Variants in CHST3 observed in about 807,000 individuals in gnomAD.
The protein encoded by CHST3 is C6ST-1.
A neutral mutation model predicts 35.4 loss-of-function variants in CHST3; 20 were observed. The observed-to-expected ratio is 0.57, with a 90% CI of 0.40 to 0.82. The LOEUF (loss-of-function observed/expected upper bound fraction) is 0.82, where lower values mean the gene tolerates loss of function less well. Among genes scored for constraint, CHST3 ranks in the 40% least tolerant of loss-of-function variants. The pLI, the probability that CHST3 is intolerant of heterozygous loss-of-function variation, is 0.00. For synonymous variants in CHST3, 334 were observed against 295.9 expected (o/e 1.13, Z -1.32); for missense variants, 693 against 670.1 (o/e 1.03, Z -0.38).
intron 1 of CHST3, among the ~76,000 whole-genome samples, chr10:71,999,687 GGCC>G (rs1839974120): frequency 6.6e-6 from 1 of 152,240 alleles, no homozygotes; most frequent in Non-Finnish European, 1.5e-5. Flanking sequence ...GGCCGGAACA[GGCC>G]GCAGTCCATT....
intron 1 of CHST3, among the ~76,000 whole-genome samples, 179 bp downstream of exon 1, chr10:71,964,873 C>T (rs1839613782): frequency 2.0e-5 from 3 of 152,234 alleles, no homozygotes; most frequent in Admixed American, 1.3e-4. Flanking sequence ...GCACCCACAA[C>T]CCGCTGCAAC....
chr10:72,013,276 G>T lies in CHST3; in HGVS notation c.*4805G>T, dbSNP rs1840131340. The T allele has an allele frequency of 6.6e-6, 1 of 152,278 alleles. No individual in the cohort carries two copies. 9.4% of individuals were successfully genotyped at this position (152,278 alleles called of 1,614,324 possible). On this transcript the variant is annotated 3_prime_UTR_variant, in exon 3 of 3. Transcript: ENST00000373115. ...TTCACGGCATACACTGCCATGGTAT[G>T]TACATATGCATCCACGTGTGTGTAT...
chr10:72,011,397 G>A lies in CHST3; in HGVS notation c.*2926G>A, dbSNP rs893918063. The A allele has an allele frequency of 1.3e-5, 2 of 152,356 alleles. No homozygotes were observed. The highest frequency in any genetic ancestry group is 4.8e-5 in the African/African-American group (2 of 41,450). 9.4% of individuals were successfully genotyped at this position (152,356 alleles called of 1,614,324 possible). A position where few individuals can be genotyped will look rare whatever the true frequency, so the allele number is the denominator to read the frequency against. ...CTGGGAACCCTTGGGGTTTGGGGAA[G>A]GACAGTGTGGTGTGACTATTGGCTT... On this transcript the variant is annotated 3_prime_UTR_variant, in exon 3 of 3. Transcript: ENST00000373115.
chr10:72,004,454 C>G (rs927190239), intron 1 of CHST3, among the ~76,000 whole-genome samples: 2 of 152,144 alleles, frequency 1.3e-5, no homozygotes, highest in Non-Finnish European at 2.9e-5. Flanking sequence ...AAAGTGGAGA[C>G]CTGAAGGCTG....
At chr10:72,001,761 G>T (rs879268031) in intron 1 of CHST3, among the ~76,000 whole-genome samples, 3 of 152,150 alleles carry the variant, frequency 2.0e-5, no homozygotes, top group African/African-American at 7.2e-5. Context: ...GTGAACCATC[G>T]TGCCTGGCCG....
intron 1 of CHST3, among the ~76,000 whole-genome samples, chr10:72,002,118 T>C (rs1839998298): frequency 6.6e-6 from 1 of 152,146 alleles, no homozygotes; most frequent in Admixed American, 6.5e-5. Context: ...ACCTGCCTGC[T>C]AGGTTTCCAA....
rs1840065803 is a variant in CHST3, at chr10:72,008,128, A to G, written c.1097A>G (p.Tyr366Cys). The change falls in exon 3 of 3, where the codon TAC becomes TGC. Residue 366 changes from tyrosine to cysteine, a missense_variant. By Grantham distance (194) the Tyr-to-Cys change is radical (BLOSUM62 -2). Coordinates refer to ENST00000373115, the MANE Select transcript of CHST3 (RefSeq NM_004273.5). ...LRQPAWLRGRYMLVRYEDVAR... is the reference protein window; with the variant it reads ...LRQPAWLRGRCMLVRYEDVAR... ...CAGCCCGCCTGGCTGCGGGGCCGCT[A>G]CATGCTGGTGCGCTACGAGGACGTG... 4 of 1,548,000 alleles carry G rather than the reference A, an allele frequency of 2.6e-6. No homozygotes were observed. Among genetic ancestry groups the G allele is most frequent in the East Asian group, 2.4e-5 (1 of 40,866 alleles).
At chr10:71,969,406 A>T (rs762451174) in intron 1 of CHST3, among the ~76,000 whole-genome samples, 1 of 152,198 alleles carries the variant, frequency 6.6e-6, no homozygotes. Flanking sequence ...GAGAGTGGTT[A>T]TCCCTGCTGG....
chr10:71,977,812 G>A (rs1839761173), intron 1 of CHST3, among the ~76,000 whole-genome samples: 1 of 152,100 alleles, frequency 6.6e-6, no homozygotes. Context: ...TGGGATTACA[G>A]GTGTGCACCA....
intron 1 of CHST3, among the ~76,000 whole-genome samples, chr10:71,970,967 G>T (rs1290842081): frequency 6.6e-6 from 1 of 152,184 alleles, no homozygotes; most frequent in African/African-American, 2.4e-5. Flanking sequence ...GTGGTGTAAG[G>T]TCACACCAAT....
At chr10:71,968,404 A>T (rs1328229658) in intron 1 of CHST3, among the ~76,000 whole-genome samples, 4 of 152,130 alleles carry the variant, frequency 2.6e-5, no homozygotes, top group Admixed American at 6.5e-5. Flanking sequence ...TCGGATGCAT[A>T]GTTTGCAAAT....
At chr10:71,981,942 C>A (rs1839805083) in intron 1 of CHST3, among the ~76,000 whole-genome samples, 1 of 152,216 alleles carries the variant, frequency 6.6e-6, no homozygotes, top group African/African-American at 2.4e-5. Flanking sequence ...GATTCTCATG[C>A]CCAGCAGGGA....
chr10:71,973,775 C>G (rs1839718822), intron 1 of CHST3, among the ~76,000 whole-genome samples: 1 of 152,192 alleles, frequency 6.6e-6, no homozygotes, highest in Admixed American at 6.5e-5. Context: ...CTTGGGGAAG[C>G]CTTCCTAGAG....
chr10:71,991,965 T>G lies in CHST3; in HGVS notation c.-107-13771T>G, dbSNP rs187172046. Among the ~76,000 whole-genome samples, 439 of 152,066 alleles carry G rather than the reference T, an allele frequency of 2.9e-3. 2 individuals carry two copies. The highest frequency in any genetic ancestry group is 4.9e-3 in the Non-Finnish European group (330 of 67,996). The stretch of plus-strand genomic sequence containing the variant: ...AAAAAAAGTTACTTTTATACTATAC[T>G]GTAGTCTATTAAGTGTACAGTAGTA... On this transcript the variant is annotated intron_variant, in intron 1 of 2. Coordinates refer to ENST00000373115, the MANE Select transcript of CHST3 (RefSeq NM_004273.5).
In CHST3 at chr10:72,008,425, G is replaced by A. The variant is rs569940449; in HGVS notation, c.1394G>A (p.Arg465His). Residue 465 changes from arginine (R) to histidine (H), a missense_variant, in exon 3 of 3, where the codon CGC (arginine) becomes CAC (histidine). Physicochemically the swap from Arg to His is conservative, Grantham distance 29. Coordinates refer to ENST00000373115, the MANE Select transcript of CHST3 (RefSeq NM_004273.5). ...CGGGACGCCGCCGCCCTCACCAACC[G>A]CTCAGTCAGCCTGCTGGAGGAGAGG... ...LARDAAALTNRSVSLLEERGT... is the reference protein window; with the variant it reads ...LARDAAALTNHSVSLLEERGT... 7.6e-6 allele frequency: 12 copies of A among 1,572,304 alleles called. No individual in the cohort carries two copies. The highest frequency in any genetic ancestry group is 6.7e-5 in the African/African-American group (5 of 74,364).
intron 1 of CHST3, among the ~76,000 whole-genome samples, chr10:71,969,930 G>A (rs1416532868): frequency 1.3e-5 from 2 of 152,230 alleles, no homozygotes; most frequent in Non-Finnish European, 2.9e-5. Flanking sequence ...CAGGAGAGGA[G>A]ACACTTCTCC....
intron 1 of CHST3, among the ~76,000 whole-genome samples, chr10:71,969,914 A>G (rs949052975): frequency 3.9e-5 from 6 of 152,212 alleles, no homozygotes; most frequent in Non-Finnish European, 8.8e-5. Context: ...TCGTGAGGTT[A>G]TGCCTCAGGA....
intron 1 of CHST3, among the ~76,000 whole-genome samples, chr10:71,967,643 A>G (rs1436131310): frequency 2.0e-5 from 3 of 152,222 alleles, no homozygotes; most frequent in Non-Finnish European, 4.4e-5. Context: ...ATACGTGTGC[A>G]TGTATCTTTA....
chr10:71,969,847 A>G (rs975114299), intron 1 of CHST3, among the ~76,000 whole-genome samples: 2 of 152,144 alleles, frequency 1.3e-5, no homozygotes, highest in African/African-American at 4.8e-5. Context: ...GAACTCCTAG[A>G]GTGGCGGCAC....
Sources: gnomAD v4.1 joint callset for allele counts (sites outside exome capture counted in the v4.1 genomes callset) on GRCh38, gnomAD v4.1.1 for gene constraint, MANE v1.5 for transcripts, NCBI Gene and HGNC (gene_info 2026-07-23, HGNC 2026-07-21) for gene names.